Variants in KIF1A observed in about 807,000 individuals in gnomAD.
KIF1A encodes kinesin family member 1A, also known as kinesin-like protein KIF1A.
In KIF1A, 46 loss-of-function variants were observed where a neutral mutation model predicts 227.3. That is an observed-to-expected ratio of 0.20 (90% confidence interval 0.16 to 0.26). KIF1A has a LOEUF of 0.26. Among genes scored for constraint, KIF1A ranks in the 10% least tolerant of loss-of-function variants. The pLI, the probability that KIF1A is intolerant of heterozygous loss-of-function variation, is 1.00. For synonymous variants in KIF1A, 1,022 were observed against 1,012.8 expected, an observed-to-expected ratio of 1.01 and a Z score of -0.17; for missense variants, 1,683 against 2,485.9, an observed-to-expected ratio of 0.68 and a Z score of 6.87.
intron 44 of KIF1A, 113 bp from the exon 45 acceptor site, chr2:240,721,151 C>T (rs1559475299): frequency 7.4e-7 from 1 of 1,352,296 alleles, no homozygotes. Context: ...GGGCACCCCA[C>T]CCCTCCTACC....
chr2:240,768,284 G>A (rs1201350315), intron 17 of KIF1A, among the ~76,000 whole-genome samples: 4 of 152,232 alleles, frequency 2.6e-5, no homozygotes, highest in Non-Finnish European at 5.9e-5. Context: ...CCAAAGGCCT[G>A]TCTAGAAGAC....
In KIF1A at chr2:240,725,386, G is replaced by T. The variant is rs1267604574; in HGVS notation, c.4141C>A (p.Pro1381Thr). The change falls in exon 40 of 49, where the codon CCG (proline) becomes ACG (threonine). Residue 1381 changes from proline (P) to threonine (T), a missense_variant. This residue lies in a region of KIF1A where 759 missense variants were observed against 1,020.2 expected (regional missense o/e 0.74). Transcript: ENST00000498729. This position sits in a 1 kb window ranked among gnomAD's most constrained non-coding sequence, Gnocchi z 5.8. ...AYIEMENCTQ[P>T]AVVTKDFCMV... ...CAGAAGTCCTTGGTGACAACAGCCG[G>T]CTGGGTGCAGTTCTCCATCTGAGAT... 23 of 1,612,240 alleles carry T rather than the reference G, an allele frequency of 1.4e-5. No individual in the cohort carries two copies. The highest frequency in any genetic ancestry group is 1.9e-5 in the Non-Finnish European group (23 of 1,179,724).
intron 34 of KIF1A, among the ~76,000 whole-genome samples, 160 bp from the exon 35 acceptor site, chr2:240,741,537 A>C (rs1026815035): frequency 3.9e-5 from 6 of 152,210 alleles, no homozygotes; most frequent in Admixed American, 3.3e-4. Context: ...AGCCATTCCC[A>C]AGATACACCG....
chr2:240,759,599 C>A (rs569716868), intron 25 of KIF1A, among the ~76,000 whole-genome samples: 1 of 152,216 alleles, frequency 6.6e-6, no homozygotes. Flanking sequence ...GGTGCCTCCC[C>A]CTGTAGCCCT....
At chr2:240,734,801 G>A (rs1035267918) in intron 38 of KIF1A, 26 of 1,282,638 alleles carry the variant, frequency 2.0e-5, no homozygotes, top group African/African-American at 1.7e-4. Flanking sequence ...CAGCGGGAGC[G>A]GGGTGGGGGA....
chr2:240,777,845 C>T (rs753544342), intron 10 of KIF1A, among the ~76,000 whole-genome samples: 6 of 152,226 alleles, frequency 3.9e-5, no homozygotes, highest in East Asian at 1.9e-4. Context: ...AAAACCCTCT[C>T]GCGCGGCTCC....
intron 15 of KIF1A, among the ~76,000 whole-genome samples, chr2:240,770,040 C>T (rs997965342): frequency 2.6e-5 from 4 of 152,196 alleles, no homozygotes; most frequent in Non-Finnish European, 4.4e-5. Flanking sequence ...AGGACATGGA[C>T]GACACTGCCC....
At chr2:240,811,575 A>G (rs543280410) in intron 1 of KIF1A, among the ~76,000 whole-genome samples, 1 of 152,140 alleles carries the variant, frequency 6.6e-6, no homozygotes, top group South Asian at 2.1e-4. Flanking sequence ...GACACAGCAC[A>G]TGCCAGAGCC....
At chr2:240,746,005 C>G in intron 30 of KIF1A, 34 bp downstream of exon 30, 3 of 1,605,440 alleles carry the variant, frequency 1.9e-6, no homozygotes, top group South Asian at 2.2e-5. Flanking sequence ...CTCAGCATCC[C>G]CTACGCCCTG....
Position 240,746,159 on chromosome 2 carries a change from G to C in KIF1A, c.3082C>G (p.Pro1028Ala). The change falls in exon 30 of 49, where the codon CCC becomes GCC. Residue 1028 changes from proline (P) to alanine (A), a missense_variant. Transcript: ENST00000498729. ...HFEKFQSESC[P>A]VVGMSRSGTS... Reference sequence around the variant, plus strand: ...CCCGAGCGGGACATCCCCACCACGGGGCAAGACTCGGACTGGAACTGATCA... The same window carrying C: ...CCCGAGCGGGACATCCCCACCACGGCGCAAGACTCGGACTGGAACTGATCA... 1.3e-6 allele frequency: 2 copies of C among 1,564,872 alleles called. No homozygotes were observed. Among genetic ancestry groups the C allele is most frequent in the Non-Finnish European group, 1.7e-6 (2 of 1,155,274 alleles).
rs780155791 is a variant in KIF1A, at chr2:240,740,113, T to C, written c.3846A>G (p.Leu1282=). 3 of 1,590,454 alleles carry C rather than the reference T, an allele frequency of 1.9e-6. No homozygotes were observed. The African/African-American group carries it at 4.0e-5, about 21-fold the overall frequency. ...QGIQRRITVT[L]LHETGSHIRW... Reference sequence around the variant, plus strand: ...GGATATGGCTGCCTGTCTCATGCAGTAGTGTCACCGTAATCCGTCGCTGGA... The same window carrying C: ...GGATATGGCTGCCTGTCTCATGCAGCAGTGTCACCGTAATCCGTCGCTGGA... The change falls in exon 37 of 49, where the codon CTA becomes CTG. Residue 1282 remains leucine, a synonymous_variant. Transcript: ENST00000498729. This position sits in a 1 kb window ranked among gnomAD's most constrained non-coding sequence, Gnocchi z 6.1.
chr2:240,724,443 C>T (rs765846759), intron 40 of KIF1A: 6 of 261,754 alleles, frequency 2.3e-5, no homozygotes, highest in South Asian at 8.5e-5. Context: ...GAGAGCACCT[C>T]GGCCACCCTC....
Position 240,725,835 on chromosome 2 carries a change from T to A in KIF1A, c.4123-431A>T, listed in dbSNP as rs1287422287. 1 of 163,752 alleles carries A rather than the reference T, an allele frequency of 6.1e-6. No individual in the cohort carries two copies. Among genetic ancestry groups the A allele is most frequent in the African/African-American group, 2.4e-5 (1 of 41,636 alleles). 10.1% of individuals were successfully genotyped at this position (163,752 alleles called of 1,614,324 possible). On this transcript the variant is annotated intron_variant, in intron 39 of 48. Coordinates refer to ENST00000498729, the MANE Select transcript of KIF1A (RefSeq NM_001244008.2). This position sits in a 1 kb window ranked among gnomAD's most constrained non-coding sequence, Gnocchi z 5.8. ...ACTTCCTGGTGGATGACACGCTAAC[T>A]GCTGAACAGCTGGCCCCTTTGTCTT...
intron 11 of KIF1A, among the ~76,000 whole-genome samples, chr2:240,774,553 C>T (rs2052506541): frequency 6.6e-6 from 1 of 152,160 alleles, no homozygotes; most frequent in South Asian, 2.1e-4. Context: ...TTCCTTTCCC[C>T]AAAGCAGAGA....
At chr2:240,767,474 C>T (rs1179761462) in intron 17 of KIF1A, 129 bp from the exon 18 acceptor site, 1 of 731,104 alleles carries the variant, frequency 1.4e-6, no homozygotes, top group Non-Finnish European at 2.3e-6. Flanking sequence ...TTGGCTGGTG[C>T]CACCAGGCTG....
chr2:240,744,359 G>A (rs544336012), intron 32 of KIF1A, among the ~76,000 whole-genome samples: 3 of 152,278 alleles, frequency 2.0e-5, no homozygotes, highest in African/African-American at 4.8e-5. Context: ...AAAGGGCAGC[G>A]CTGGTCTCTT....
At chr2:240,733,106 G>C (rs901666177) in intron 38 of KIF1A, among the ~76,000 whole-genome samples, 7 of 151,936 alleles carry the variant, frequency 4.6e-5, no homozygotes, top group African/African-American at 1.7e-4. Context: ...GACTTTTCCT[G>C]ATTTTGCCTT....
intron 38 of KIF1A, among the ~76,000 whole-genome samples, chr2:240,732,468 T>G (rs1575538296): frequency 2.8e-5 from 3 of 106,884 alleles, no homozygotes; most frequent in Admixed American, 1.0e-4. Flanking sequence ...AGGTAAGGGA[T>G]GAGGGGGTGA....
Position 240,740,428 on chromosome 2 carries a change from G to T in KIF1A, c.3750-64C>A. ...TCCTCTCTGCCCTCCCCGCAGCACA[G>T]GACACAGTGGACGGGAGCAAAAACA... On this transcript the variant is annotated intron_variant, in intron 35 of 48. Coordinates refer to ENST00000498729, the MANE Select transcript of KIF1A (RefSeq NM_001244008.2). The surrounding 1 kb of genome is among the most constrained non-coding windows in gnomAD (Gnocchi z 6.1). The T allele has an allele frequency of 2.2e-6, 3 of 1,369,324 alleles. No homozygotes were observed. The highest frequency in any genetic ancestry group is 3.1e-6 in the Non-Finnish European group (3 of 962,540). The allele number at this position is 1,369,324 out of a possible 1,614,324, so 84.8% of individuals were successfully genotyped here.
Sources: allele counts gnomAD v4.1 joint callset (sites outside exome capture counted in the v4.1 genomes callset), GRCh38; gene constraint gnomAD v4.1.1; regional missense constraint gnomAD v4.1.1; non-coding constraint Gnocchi (gnomAD v3.1); transcripts MANE v1.5; gene names NCBI Gene and HGNC (gene_info 2026-07-23, HGNC 2026-07-21).